The following TAFA1 variants were observed in gnomAD, a reference collection of about 807,000 sequenced individuals.
TAFA1 encodes chemokine-like protein TAFA-1.
A neutral mutation model predicts 18.5 loss-of-function variants in TAFA1; 4 were observed. The ratio of observed to expected loss-of-function variants is 0.22; its 90% confidence interval spans 0.11 to 0.49. TAFA1 has a LOEUF of 0.49. Ranked by LOEUF, TAFA1 falls within the 20% of genes least tolerant of loss-of-function variation. The pLI is 0.98. For synonymous variants in TAFA1, 56 were observed against 55.2 expected (o/e 1.01, Z -0.06); for missense variants, 147 against 169.0 (o/e 0.87, Z 0.72).
At chr3:68,360,369 C>G (rs1435727261) in intron 2 of TAFA1, among the ~76,000 whole-genome samples, 1 of 151,890 alleles carries the variant, frequency 6.6e-6, no homozygotes, top group Non-Finnish European at 1.5e-5. Flanking sequence ...CTGGTTACAG[C>G]CATAATATAA....
At chr3:68,234,243 C>T (rs1170760193) in intron 2 of TAFA1, among the ~76,000 whole-genome samples, 1 of 152,118 alleles carries the variant, frequency 6.6e-6, no homozygotes, top group Non-Finnish European at 1.5e-5. Flanking sequence ...GAATTGGCCT[C>T]CTACAGAAAG....
chr3:68,079,139 T>A (rs77991406), intron 2 of TAFA1, among the ~76,000 whole-genome samples: 10 of 152,248 alleles, frequency 6.6e-5, no homozygotes, highest in Non-Finnish European at 1.5e-4. Flanking sequence ...TTTGTATTTC[T>A]GTGGGATTGG....
At chr3:68,234,577 A>G (rs2066906678) in intron 2 of TAFA1, among the ~76,000 whole-genome samples, 1 of 152,134 alleles carries the variant, frequency 6.6e-6, no homozygotes, top group Non-Finnish European at 1.5e-5. Flanking sequence ...TTCTATTTCC[A>G]AAAAGATTGG....
In TAFA1 at chr3:68,365,776, A is replaced by G. The variant is rs1004635336; in HGVS notation, c.119-51504A>G. On this transcript the variant is annotated intron_variant, in intron 2 of 4. Transcript: ENST00000478136. ...CAAGAGAGAATGAGTGCCAGGTGAA[A>G]GGGGTTTCCCCTTATAAAACCATCA... Among the ~76,000 whole-genome samples, 34 of 152,256 alleles carry G rather than the reference A, an allele frequency of 2.2e-4. 1 individual carries two copies. Among genetic ancestry groups the G allele is most frequent in the Admixed American group, 1.9e-3 (29 of 15,298 alleles).
intron 2 of TAFA1, among the ~76,000 whole-genome samples, chr3:68,035,365 A>G (rs1316943359): frequency 6.6e-6 from 1 of 152,122 alleles, no homozygotes. Flanking sequence ...ACTTTTCCTT[A>G]GGTTGATTAA....
chr3:68,360,383 G>T (rs1378997207), intron 2 of TAFA1, among the ~76,000 whole-genome samples: 5 of 151,942 alleles, frequency 3.3e-5, no homozygotes, highest in African/African-American at 4.8e-5. Context: ...AATATAACAT[G>T]TTATACATTG....
chr3:68,063,551 T>C (rs2064634382), intron 2 of TAFA1, among the ~76,000 whole-genome samples: 1 of 152,200 alleles, frequency 6.6e-6, no homozygotes, highest in African/African-American at 2.4e-5. Flanking sequence ...TGATTAAAAA[T>C]ATCTTTCTAG....
At chr3:68,443,117 C>A (rs374394131) in intron 3 of TAFA1, among the ~76,000 whole-genome samples, 1 of 151,962 alleles carries the variant, frequency 6.6e-6, no homozygotes, top group Non-Finnish European at 1.5e-5. Flanking sequence ...TACCTTGGCT[C>A]GAAAATGACT....
In TAFA1 at chr3:68,258,354, G is replaced by A. The variant is rs560120451; in HGVS notation, c.119-158926G>A. ...TAGTCAGCATACACTCGTGGTTGAT[G>A]TATTCAAGTTGATGTAATATATTGG... On this transcript the variant is annotated intron_variant, in intron 2 of 4. Transcript: ENST00000478136. 5.3e-5 allele frequency among the ~76,000 whole-genome samples: 8 copies of A among 152,306 alleles called. No homozygotes were observed. In the East Asian group the frequency reaches 1.3e-3, roughly 26 times the overall value.
intron 2 of TAFA1, among the ~76,000 whole-genome samples, chr3:68,050,416 T>G (rs1343794356): frequency 6.6e-6 from 1 of 152,044 alleles, no homozygotes; most frequent in East Asian, 1.9e-4. Flanking sequence ...GCCCTCAGGG[T>G]GTAGAAGTGA....
intron 2 of TAFA1, among the ~76,000 whole-genome samples, chr3:68,018,167 G>T (rs137947042): frequency 6.6e-6 from 1 of 152,134 alleles, no homozygotes; most frequent in Non-Finnish European, 1.5e-5. Flanking sequence ...CAATCTCAAG[G>T]CTGCCTTATC....
At chr3:68,426,325 G>A (rs1345924715) in intron 3 of TAFA1, among the ~76,000 whole-genome samples, 1 of 151,620 alleles carries the variant, frequency 6.6e-6, no homozygotes, top group Non-Finnish European at 1.5e-5. Context: ...AATTATCCTT[G>A]TCATATTTCT....
At chr3:68,538,174 G>A (rs917886213) in intron 3 of TAFA1, among the ~76,000 whole-genome samples, 8 of 152,096 alleles carry the variant, frequency 5.3e-5, no homozygotes, top group African/African-American at 7.2e-5. Flanking sequence ...AAAAATCTCA[G>A]TCAATTTTCA....
chr3:68,404,056 T>C (rs1051022499), intron 2 of TAFA1, among the ~76,000 whole-genome samples: 2 of 152,202 alleles, frequency 1.3e-5, no homozygotes, highest in Non-Finnish European at 2.9e-5. Context: ...TCCAAGTGCT[T>C]TCCCTGTGTT....
intron 2 of TAFA1, among the ~76,000 whole-genome samples, chr3:68,037,429 CCA>C (rs985741413): frequency 6.6e-6 from 1 of 152,144 alleles, no homozygotes; most frequent in African/African-American, 2.4e-5. Flanking sequence ...CTCCCCAAGC[CCA>C]CAGTCTTGCT....
chr3:68,223,681 A>G (rs2066760059), intron 2 of TAFA1, among the ~76,000 whole-genome samples: 1 of 152,132 alleles, frequency 6.6e-6, no homozygotes, highest in Non-Finnish European at 1.5e-5. Context: ...ATTATTCCCC[A>G]TGTTCACTGT....
intron 2 of TAFA1, among the ~76,000 whole-genome samples, chr3:68,377,808 G>A (rs961984806): frequency 2.6e-5 from 4 of 152,132 alleles, no homozygotes; most frequent in Admixed American, 2.6e-4. Flanking sequence ...GCAGCATCAG[G>A]ATTTTGTGCC....
At chr3:68,133,594 G>A (rs559956773) in intron 2 of TAFA1, among the ~76,000 whole-genome samples, 1 of 151,970 alleles carries the variant, frequency 6.6e-6, no homozygotes, top group South Asian at 2.1e-4. Flanking sequence ...TCCCTTGTAA[G>A]TTGGATTCCT....
At chr3:68,071,956 G>A (rs2064760615) in intron 2 of TAFA1, among the ~76,000 whole-genome samples, 1 of 151,940 alleles carries the variant, frequency 6.6e-6, no homozygotes, top group Non-Finnish European at 1.5e-5. Flanking sequence ...CCAGTATTAG[G>A]AATTACAATT....
Sources: gnomAD v4.1 joint callset for allele counts (sites outside exome capture counted in the v4.1 genomes callset) on GRCh38, gnomAD v4.1.1 for gene constraint, MANE v1.5 for transcripts, NCBI Gene and HGNC (gene_info 2026-07-23, HGNC 2026-07-21) for gene names.